Variants in ANK2 observed in about 807,000 individuals in gnomAD.
ANK2 encodes ankyrin-2.
A neutral mutation model predicts 360.5 loss-of-function variants in ANK2; 83 were observed. The observed-to-expected ratio is 0.23, with a 90% CI of 0.19 to 0.28. The LOEUF is 0.28. Ranked by LOEUF, ANK2 falls within the 10% of genes least tolerant of loss-of-function variation. The probability of loss-of-function intolerance (pLI) is 1.00; values close to 1 mark genes in which losing one functional copy is unlikely to be tolerated. For missense variants in ANK2, 4,201 were observed against 4,795.7 expected (o/e 0.88, Z 3.66); for synonymous variants, 1,740 against 1,759.5 (o/e 0.99, Z 0.28).
intron 1 of ANK2, among the ~76,000 whole-genome samples, chr4:112,885,370 G>A (rs1292454278): frequency 6.6e-6 from 1 of 151,694 alleles, no homozygotes. Context: ...GTGGAGGCAC[G>A]CGCCTGTAAT....
chr4:112,931,406 C>T (rs1581380406), intron 2 of ANK2, among the ~76,000 whole-genome samples: 1 of 147,280 alleles, frequency 6.8e-6, no homozygotes, highest in African/African-American at 2.5e-5. Context: ...ATTTATTTTA[C>T]GTACCTTTCA....
At chr4:112,847,328 T>C (rs557756556) in intron 1 of ANK2, among the ~76,000 whole-genome samples, 10 of 152,358 alleles carry the variant, frequency 6.6e-5, no homozygotes, top group Middle Eastern at 3.4e-3. Flanking sequence ...CTCAGTGGTA[T>C]TGTTACTCAG....
chr4:112,932,414 C>T (rs965154997), intron 2 of ANK2, among the ~76,000 whole-genome samples: 24 of 151,470 alleles, frequency 1.6e-4, no homozygotes, highest in Non-Finnish European at 3.2e-4. Context: ...ATGGCATGAA[C>T]CCGGGAGGTG....
intron 14 of ANK2, among the ~76,000 whole-genome samples, chr4:113,270,651 G>T (rs1031772102): frequency 6.6e-6 from 1 of 151,234 alleles, no homozygotes; most frequent in Middle Eastern, 3.4e-3. Flanking sequence ...ATTTTCTATT[G>T]TGAACAAACA....
At chr4:113,270,235 C>A (rs1326343268) in intron 14 of ANK2, among the ~76,000 whole-genome samples, 3 of 151,968 alleles carry the variant, frequency 2.0e-5, no homozygotes, top group Admixed American at 6.6e-5. Context: ...AAAGTAAAAC[C>A]CCTTAATGTT....
the ANK2 span, among the ~76,000 whole-genome samples, chr4:112,711,068 G>A: frequency 6.6e-6 from 1 of 151,168 alleles, no homozygotes; most frequent in Non-Finnish European, 1.5e-5. Context: ...AGGATTACAG[G>A]TGTGAGCCAC....
At chr4:112,766,772 G>A in the ANK2 span, among the ~76,000 whole-genome samples, 1 of 152,152 alleles carries the variant, frequency 6.6e-6, no homozygotes, top group Non-Finnish European at 1.5e-5. Flanking sequence ...ATTGTGCCCT[G>A]ATGAGATGGG....
intron 14 of ANK2, among the ~76,000 whole-genome samples, chr4:113,267,289 C>G (rs2056576295): frequency 6.6e-6 from 1 of 152,074 alleles, no homozygotes; most frequent in Non-Finnish European, 1.5e-5. Context: ...TTTTTGTTGC[C>G]ATGGCTTTTG....
chr4:113,305,255 G>A (rs909530164), intron 23 of ANK2, among the ~76,000 whole-genome samples: 3 of 145,368 alleles, frequency 2.1e-5, no homozygotes, highest in Non-Finnish European at 4.5e-5. Context: ...CAGGAGAATG[G>A]CGTGAACCCG....
At chr4:113,309,518 G>A (rs1014635899) in intron 23 of ANK2, among the ~76,000 whole-genome samples, 1 of 152,002 alleles carries the variant, frequency 6.6e-6, no homozygotes, top group Non-Finnish European at 1.5e-5. Flanking sequence ...TTGTTTGCTT[G>A]TTTGTTTTTT....
At chr4:113,329,873 G>A (rs2091894753) in intron 26 of ANK2, among the ~76,000 whole-genome samples, 3 of 152,128 alleles carry the variant, frequency 2.0e-5, no homozygotes, top group Admixed American at 1.3e-4. Flanking sequence ...TACACATAAG[G>A]AAGCAGAAGT....
intron 1 of ANK2, among the ~76,000 whole-genome samples, chr4:112,879,806 A>G (rs997179380): frequency 3.3e-5 from 5 of 152,178 alleles, no homozygotes; most frequent in African/African-American, 4.8e-5. Flanking sequence ...TTAAATAAGA[A>G]TACTTTGCAC....
chr4:113,220,303 G>A (rs2099135821), intron 4 of ANK2, among the ~76,000 whole-genome samples: 1 of 152,176 alleles, frequency 6.6e-6, no homozygotes, highest in South Asian at 2.1e-4. Flanking sequence ...GGGCCTAGGA[G>A]ATAAGGAGAG....
intron 1 of ANK2, among the ~76,000 whole-genome samples, chr4:112,823,039 C>T (rs900417636): frequency 6.6e-6 from 1 of 152,058 alleles, no homozygotes; most frequent in Admixed American, 6.5e-5. Context: ...GTAAGACTCC[C>T]GCGTTATTTG....
chr4:113,031,522 G>A (rs1368002545), intron 2 of ANK2: 2 of 152,000 alleles, frequency 1.3e-5, no homozygotes, highest in Non-Finnish European at 2.9e-5. Context: ...CTCAATCATG[G>A]AAGTATAATT....
chr4:112,962,688 T>C (rs1473488175), intron 2 of ANK2, among the ~76,000 whole-genome samples: 1 of 152,170 alleles, frequency 6.6e-6, no homozygotes, highest in African/African-American at 2.4e-5. Flanking sequence ...AATGGGAATT[T>C]ATTAAGAAAA....
chr4:113,217,481 G>C (rs1232685578), intron 4 of ANK2, among the ~76,000 whole-genome samples: 10 of 152,198 alleles, frequency 6.6e-5, no homozygotes. Context: ...CTCCAAAGCA[G>C]CGGTTGCCAA....
chr4:113,201,216 T>C (rs2153415712), intron 4 of ANK2, among the ~76,000 whole-genome samples: 1 of 152,270 alleles, frequency 6.6e-6, no homozygotes, highest in Admixed American at 6.5e-5. Context: ...CCTTTCTTTA[T>C]ATCAAGAGAA....
intron 1 of ANK2, among the ~76,000 whole-genome samples, chr4:113,095,497 C>T (rs984148220): frequency 3.9e-5 from 6 of 151,982 alleles, no homozygotes; most frequent in Admixed American, 6.6e-5. Flanking sequence ...GTATCAGGCA[C>T]GAAGACAAGA....
Sources: allele counts gnomAD v4.1 joint callset (sites outside exome capture counted in the v4.1 genomes callset), GRCh38; gene constraint gnomAD v4.1.1; transcripts MANE v1.5; gene names NCBI Gene and HGNC (gene_info 2026-07-23, HGNC 2026-07-21).